OPCML: variants seen among roughly 807,000 people sequenced by gnomAD.
OPCML encodes the protein opioid binding protein/cell adhesion molecule like, also known as opioid-binding protein/cell adhesion molecule.
In OPCML, 13 loss-of-function variants were observed where a neutral mutation model predicts 37.8. The observed-to-expected ratio is 0.34, with a 90% CI of 0.22 to 0.55. The LOEUF (loss-of-function observed/expected upper bound fraction) is 0.55. Ranked by LOEUF, OPCML falls within the 20% of genes least tolerant of loss-of-function variation. The pLI, the probability that OPCML is intolerant of heterozygous loss-of-function variation, is 0.91. For synonymous variants in OPCML, 176 were observed against 168.8 expected (o/e 1.04, Z -0.33); for missense variants, 341 against 435.6 (o/e 0.78, Z 1.93).
intron 1 of OPCML, among the ~76,000 whole-genome samples, chr11:133,056,448 C>T (rs909639748): frequency 4.6e-5 from 7 of 152,160 alleles, no homozygotes; most frequent in African/African-American, 7.2e-5. Context: ...AATCTCTAAT[C>T]GTGGAGAGAA....
intron 4 of OPCML, among the ~76,000 whole-genome samples, chr11:132,517,801 A>G (rs1445987216): frequency 6.6e-6 from 1 of 152,228 alleles, no homozygotes; most frequent in African/African-American, 2.4e-5. Flanking sequence ...TATAATGTAG[A>G]AAGTATTCAG....
intron 1 of OPCML, among the ~76,000 whole-genome samples, chr11:133,093,446 G>A (rs1302450262): frequency 6.6e-6 from 1 of 152,068 alleles, no homozygotes; most frequent in Non-Finnish European, 1.5e-5. Flanking sequence ...TTATCCTAAT[G>A]CTCTCCCTCC....
In OPCML at chr11:133,434,424, A is replaced by T. The variant is rs1946189429; in HGVS notation, c.61+97840T>A. ...ACTTTCTCCCTCATATTGAATATAT[A>T]TCAGACCTTGCTCATTTGTGTATAG... On this transcript the variant is annotated intron_variant, in intron 1 of 7. Coordinates refer to ENST00000524381, the MANE Select transcript of OPCML (RefSeq NM_001012393.5). Among the ~76,000 whole-genome samples the T allele has an allele frequency of 3.3e-5, 5 of 150,832 alleles. No individual in the cohort carries two copies. In the South Asian group the frequency reaches 1.0e-3, roughly 31 times the overall value.
chr11:133,429,948 G>A (rs78569295), intron 1 of OPCML, among the ~76,000 whole-genome samples: 3,251 of 152,286 alleles, frequency 0.021, 46 homozygotes, highest in Non-Finnish European at 0.029. Context: ...ATTTTATCAG[G>A]AGCAGTGAGT....
At chr11:133,055,996 A>T (rs1470521367) in intron 1 of OPCML, among the ~76,000 whole-genome samples, 1 of 94,396 alleles carries the variant, frequency 1.1e-5, no homozygotes, top group Admixed American at 9.6e-5. Context: ...CTCCATGATA[A>T]TTCCAAGTGG....
chr11:132,818,592 T>C (rs1411305107), intron 2 of OPCML, among the ~76,000 whole-genome samples: 1 of 99,144 alleles, frequency 1.0e-5, no homozygotes, highest in Admixed American at 1.1e-4. Flanking sequence ...CTCTCTTAGA[T>C]AGATAGATAG....
rs142480425 is a variant in OPCML at position 133,357,781 on chromosome 11, A to C, written c.61+174483T>G. ...TTCTCTAGGATTGATCTTCTCATCA[A>C]ATTTAGTGAGTGTTTAGCACCTTCT... On this transcript the variant is annotated intron_variant, in intron 1 of 7. Transcript: ENST00000524381. 3.3e-5 allele frequency among the ~76,000 whole-genome samples: 5 copies of C among 152,284 alleles called. No individual in the cohort carries two copies. The East Asian group carries it at 9.7e-4, about 29-fold the overall frequency.
chr11:133,318,749 A>C (rs1943261650), intron 1 of OPCML, among the ~76,000 whole-genome samples: 1 of 152,178 alleles, frequency 6.6e-6, no homozygotes, highest in Non-Finnish European at 1.5e-5. Context: ...CTAAAAATTC[A>C]TGAGGGGCTG....
At chr11:132,806,734 C>G (rs374488384) in intron 2 of OPCML, among the ~76,000 whole-genome samples, 1 of 152,128 alleles carries the variant, frequency 6.6e-6, no homozygotes, top group Non-Finnish European at 1.5e-5. Flanking sequence ...AAGATCTAAA[C>G]ATGGTTGTCA....
In OPCML at chr11:133,501,483, T is replaced by C. The variant is rs116702172; in HGVS notation, c.61+30781A>G. Among the ~76,000 whole-genome samples the C allele has an allele frequency of 9.8e-3, 1,498 of 152,290 alleles. 32 individuals are homozygous for C. Among genetic ancestry groups the C allele is most frequent in the African/African-American group, 0.034 (1,433 of 41,550 alleles). On this transcript the variant is annotated intron_variant, in intron 1 of 7. Coordinates refer to ENST00000524381, the MANE Select transcript of OPCML (RefSeq NM_001012393.5). Reference sequence around the variant, plus strand: ...GGTACCCAACAAACATTTGAAATAATATTTTAAATCAGATAACTGACTTCC... The same window carrying C: ...GGTACCCAACAAACATTTGAAATAACATTTTAAATCAGATAACTGACTTCC...
intron 1 of OPCML, among the ~76,000 whole-genome samples, chr11:133,419,805 T>G (rs1459670296): frequency 6.6e-6 from 1 of 152,218 alleles, no homozygotes; most frequent in Non-Finnish European, 1.5e-5. Flanking sequence ...CATTACATTG[T>G]GAATAGCACA....
At chr11:133,304,148 G>A (rs774980000) in intron 1 of OPCML, among the ~76,000 whole-genome samples, 86 of 152,294 alleles carry the variant, frequency 5.6e-4, no homozygotes, top group Admixed American at 1.2e-3. Flanking sequence ...GAATCCACAA[G>A]GGAGGTAAGC....
intron 1 of OPCML, among the ~76,000 whole-genome samples, chr11:133,215,422 A>G (rs1024903931): frequency 2.0e-5 from 3 of 152,216 alleles, no homozygotes; most frequent in Admixed American, 6.5e-5. Context: ...AGCAGATATC[A>G]TCTTCCTGGA....
intron 2 of OPCML, among the ~76,000 whole-genome samples, chr11:132,879,486 C>A (rs1943145308): frequency 6.6e-6 from 1 of 152,202 alleles, no homozygotes; most frequent in African/African-American, 2.4e-5. Flanking sequence ...AGAAATCAGA[C>A]TTTGCAAGTT....
At chr11:133,514,816 T>C (rs1220544199) in intron 1 of OPCML, among the ~76,000 whole-genome samples, 1 of 152,208 alleles carries the variant, frequency 6.6e-6, no homozygotes, top group Non-Finnish European at 1.5e-5. Context: ...ACCCTCAAGA[T>C]AGTAGACTAA....
intron 1 of OPCML, among the ~76,000 whole-genome samples, chr11:133,224,591 G>A (rs1017520041): frequency 6.6e-6 from 1 of 152,226 alleles, no homozygotes; most frequent in African/African-American, 2.4e-5. Flanking sequence ...CAAAGAGATG[G>A]TTGTCATTCC....
At chr11:133,289,853 C>T (rs905692113) in intron 1 of OPCML, among the ~76,000 whole-genome samples, 3 of 150,166 alleles carry the variant, frequency 2.0e-5, no homozygotes, top group Non-Finnish European at 2.9e-5. Flanking sequence ...AACCCTCTCT[C>T]CTCATCATAT....
At chr11:133,288,099 T>C (rs1592169603) in intron 1 of OPCML, among the ~76,000 whole-genome samples, 1 of 152,244 alleles carries the variant, frequency 6.6e-6, no homozygotes, top group African/African-American at 2.4e-5. Context: ...GTGTCCATGA[T>C]AGCACTGCAG....
chr11:133,068,143 A>G (rs920726870), intron 1 of OPCML: 6 of 152,212 alleles, frequency 3.9e-5, no homozygotes, highest in African/African-American at 1.4e-4. Flanking sequence ...ATACTGACAG[A>G]TGGTATTTTT....
Sources: gnomAD v4.1 joint callset for allele counts (sites outside exome capture counted in the v4.1 genomes callset) on GRCh38, gnomAD v4.1.1 for gene constraint, MANE v1.5 for transcripts, NCBI Gene and HGNC (gene_info 2026-07-23, HGNC 2026-07-21) for gene names.